The following DST variants were observed in gnomAD, a reference collection of about 807,000 sequenced individuals.
DST encodes bullous pemphigoid antigen.
In DST, 253 loss-of-function variants were observed where a neutral mutation model predicts 875.2. The observed-to-expected ratio is 0.29, with a 90% CI of 0.26 to 0.32. The LOEUF (loss-of-function observed/expected upper bound fraction) is 0.32. Among genes scored for constraint, DST ranks in the 10% least tolerant of loss-of-function variants. The pLI is 1.00. For synonymous variants in DST, 3,124 were observed against 3,197.1 expected (o/e 0.98, Z 0.77); for missense variants, 8,287 against 9,111.6 (o/e 0.91, Z 3.68).
At chr6:56,542,265 G>C (rs985870564) in intron 61 of DST, among the ~76,000 whole-genome samples, 2 of 149,416 alleles carry the variant, frequency 1.3e-5, no homozygotes, top group Non-Finnish European at 3.0e-5. Context: ...AAATAAACTT[G>C]ATTGAAAAGG....
chr6:56,592,051 C>A, intron 49 of DST, 131 bp downstream of exon 49: 1 of 783,816 alleles, frequency 1.3e-6, no homozygotes, highest in Admixed American at 2.9e-5. Flanking sequence ...TCAAAACTAC[C>A]TCTGGAGGCA....
At chr6:56,755,609 C>A (rs891688627) in intron 4 of DST, among the ~76,000 whole-genome samples, 1 of 152,010 alleles carries the variant, frequency 6.6e-6, no homozygotes, top group Non-Finnish European at 1.5e-5. Flanking sequence ...ATCCCCTATT[C>A]TTGCTAAACA....
intron 50 of DST, among the ~76,000 whole-genome samples, chr6:56,578,308 A>C (rs1399245637): frequency 6.6e-6 from 1 of 152,194 alleles, no homozygotes; most frequent in Non-Finnish European, 1.5e-5. Context: ...CCAGGAAGTC[A>C]AGGCTGCAGT....
chr6:56,807,989 A>G (rs966899484), intron 4 of DST, among the ~76,000 whole-genome samples: 2 of 152,198 alleles, frequency 1.3e-5, no homozygotes, highest in Admixed American at 6.5e-5. Flanking sequence ...AAAAAAATGT[A>G]CTAGTCTTCT....
At chr6:56,471,041 C>T in intron 95 of DST, 65 bp downstream of exon 95, 9 of 1,495,024 alleles carry the variant, frequency 6.0e-6, no homozygotes, top group Non-Finnish European at 8.2e-6. Context: ...CAGACCCACA[C>T]TTTTAAAATG....
chr6:56,613,218 T>G (rs1466188385), intron 37 of DST, among the ~76,000 whole-genome samples: 1 of 152,208 alleles, frequency 6.6e-6, no homozygotes, highest in African/African-American at 2.4e-5. Context: ...TTAAAATTAC[T>G]TGAAGCTTTT....
At chr6:56,531,899 G>A (rs2096902234) in intron 64 of DST, among the ~76,000 whole-genome samples, 1 of 151,982 alleles carries the variant, frequency 6.6e-6, no homozygotes, top group Non-Finnish European at 1.5e-5. Context: ...CCTGCCCCTA[G>A]GCTAGGTTCT....
At chr6:56,649,774 A>G (rs1033871626) in intron 12 of DST, among the ~76,000 whole-genome samples, 4 of 152,198 alleles carry the variant, frequency 2.6e-5, no homozygotes, top group Non-Finnish European at 5.9e-5. Flanking sequence ...TTTGCAAGGA[A>G]TATGTAGACA....
intron 5 of DST, among the ~76,000 whole-genome samples, chr6:56,723,421 G>A (rs989855373): frequency 2.0e-5 from 3 of 152,042 alleles, no homozygotes; most frequent in African/African-American, 2.4e-5. Context: ...AAAATTAGCC[G>A]GGCGTGTTGG....
chr6:56,606,612 CT>C lies in DST; in HGVS notation c.8015del (p.Gln2672ArgfsTer8). 6.2e-7 allele frequency: 1 copy of C among 1,613,498 alleles called. No individual in the cohort carries two copies. The highest frequency in any genetic ancestry group is 8.5e-7 in the Non-Finnish European group (1 of 1,179,580). ...CACTTAAGCTACCAACTGGTGCCCC[CT>C]GGGGAACCATGGAATTTTCATTCTC... ...SKENENSMVPQGAPVGSLSVK... is the reference protein window; with the variant it reads ...SKENENSMVPXGAPVGSLSVK... On this transcript the variant is annotated frameshift_variant, in exon 40 of 104. Coordinates refer to ENST00000680361, the MANE Select transcript of DST (RefSeq NM_001374736.1). LOFTEE classifies it high-confidence loss of function.
intron 9 of DST, among the ~76,000 whole-genome samples, chr6:56,675,601 C>T (rs894834280): frequency 5.9e-5 from 9 of 152,186 alleles, no homozygotes; most frequent in Admixed American, 5.2e-4. Context: ...CGCCTGTAAT[C>T]CTAGCACTTT....
intron 4 of DST, among the ~76,000 whole-genome samples, chr6:56,753,819 A>G (rs1246881995): frequency 6.6e-6 from 1 of 152,234 alleles, no homozygotes; most frequent in Non-Finnish European, 1.5e-5. Flanking sequence ...TAACAAAATG[A>G]GGTTTGGAAG....
chr6:56,526,114 G>A (rs1354152229), intron 69 of DST, among the ~76,000 whole-genome samples: 1 of 152,192 alleles, frequency 6.6e-6, no homozygotes, highest in Non-Finnish European at 1.5e-5. Flanking sequence ...TCTTCGCAGT[G>A]TCTGACTTGG....
intron 5 of DST, among the ~76,000 whole-genome samples, chr6:56,721,055 G>A (rs2099413575): frequency 6.6e-6 from 1 of 150,602 alleles, no homozygotes; most frequent in Non-Finnish European, 1.5e-5. Context: ...GCAGCTGCCG[G>A]GCAGGGGCGC....
chr6:56,625,078 C>A (rs1563273742), intron 35 of DST, 79 bp downstream of exon 35: 1 of 1,029,312 alleles, frequency 9.7e-7, no homozygotes, highest in South Asian at 1.3e-5. Flanking sequence ...TATATTTTAC[C>A]ACAACAAAAA....
intron 69 of DST, among the ~76,000 whole-genome samples, chr6:56,520,290 G>C (rs1490760958): frequency 1.3e-5 from 2 of 152,130 alleles, no homozygotes; most frequent in Non-Finnish European, 2.9e-5. Context: ...CATGTTATCA[G>C]AGTCCCAGAA....
At chr6:56,870,620 G>A (rs1478954023) in intron 3 of DST, among the ~76,000 whole-genome samples, 4 of 151,730 alleles carry the variant, frequency 2.6e-5, no homozygotes, top group Admixed American at 6.6e-5. Flanking sequence ...AAAATTAGCC[G>A]GGCATGGTGG....
chr6:56,660,204 T>A (rs2099031910), intron 10 of DST, among the ~76,000 whole-genome samples: 1 of 152,216 alleles, frequency 6.6e-6, no homozygotes, highest in Non-Finnish European at 1.5e-5. Context: ...TCGCTTTCTC[T>A]GGTGTGCTTC....
At chr6:56,624,319 A>G (rs1457406941) in intron 36 of DST, 1 of 652,066 alleles carries the variant, frequency 1.5e-6, no homozygotes, top group East Asian at 2.7e-5. Context: ...AAGTGAAATG[A>G]CTTTCTATTT....
Sources: allele counts gnomAD v4.1 joint callset (sites outside exome capture counted in the v4.1 genomes callset), GRCh38; gene constraint gnomAD v4.1.1; transcripts MANE v1.5; gene names NCBI Gene and HGNC (gene_info 2026-07-23, HGNC 2026-07-21).